ROBO2: variants seen among roughly 807,000 people sequenced by gnomAD.
The protein encoded by ROBO2 is roundabout guidance receptor 2.
In ROBO2, 53 loss-of-function variants were observed where a neutral mutation model predicts 160.8. That is an observed-to-expected ratio of 0.33 (90% CI 0.26 to 0.41). ROBO2 has a LOEUF of 0.41. Ranked by LOEUF, ROBO2 falls within the 10% of genes least tolerant of loss-of-function variation. The probability of loss-of-function intolerance (pLI) is 1.00; values close to 1 mark genes in which losing one functional copy is unlikely to be tolerated. For synonymous variants in ROBO2, 664 were observed against 611.7 expected, an observed-to-expected ratio of 1.09 and a Z score of -1.26; for missense variants, 1,577 against 1,722.4, an observed-to-expected ratio of 0.92 and a Z score of 1.49.
chr3:76,140,552 C>G (rs1228461718), intron 2 of ROBO2, among the ~76,000 whole-genome samples: 1 of 151,896 alleles, frequency 6.6e-6, no homozygotes, highest in Non-Finnish European at 1.5e-5. Context: ...AATCCTATCA[C>G]TTTATAGTCT....
At chr3:76,144,968 G>C (rs1008779777) in intron 2 of ROBO2, among the ~76,000 whole-genome samples, 2 of 151,436 alleles carry the variant, frequency 1.3e-5, no homozygotes, top group African/African-American at 4.9e-5. Flanking sequence ...TCATACAGCT[G>C]TGGCTTAAAA....
chr3:76,703,077 C>T (rs1187429231), intron 2 of ROBO2, among the ~76,000 whole-genome samples: 1 of 152,114 alleles, frequency 6.6e-6, no homozygotes, highest in Non-Finnish European at 1.5e-5. Context: ...TGAACCACTA[C>T]TAGTGTTTGT....
At chr3:76,297,790 A>G (rs1380063992) in intron 2 of ROBO2, among the ~76,000 whole-genome samples, 3 of 152,030 alleles carry the variant, frequency 2.0e-5, no homozygotes, top group African/African-American at 7.2e-5. Context: ...TGAGAAAAAC[A>G]TAAGCAAATG....
At chr3:76,154,362 G>T (rs1013257295) in intron 2 of ROBO2, among the ~76,000 whole-genome samples, 9 of 152,076 alleles carry the variant, frequency 5.9e-5, no homozygotes, top group Middle Eastern at 3.2e-3. Flanking sequence ...GGATGAGTCA[G>T]TGAAAAATTC....
chr3:76,740,615 G>T (rs1455601807), intron 2 of ROBO2, among the ~76,000 whole-genome samples: 1 of 152,108 alleles, frequency 6.6e-6, no homozygotes, highest in Admixed American at 6.6e-5. Flanking sequence ...ACTAATGGAT[G>T]TTAATTATCA....
chr3:77,584,468 C>T (rs2093992403), intron 16 of ROBO2, among the ~76,000 whole-genome samples: 1 of 152,126 alleles, frequency 6.6e-6, no homozygotes, highest in Admixed American at 6.5e-5. Flanking sequence ...AAGCCGTTCT[C>T]ATTTTTTTCT....
At chr3:76,685,945 T>C (rs1175460390) in intron 2 of ROBO2, among the ~76,000 whole-genome samples, 1 of 152,150 alleles carries the variant, frequency 6.6e-6, no homozygotes, top group East Asian at 1.9e-4. Context: ...TGCTTAACTT[T>C]GGAAGGTAGA....
intron 2 of ROBO2, among the ~76,000 whole-genome samples, chr3:76,421,686 A>G (rs2076002452): frequency 6.6e-6 from 1 of 151,870 alleles, no homozygotes; most frequent in Admixed American, 6.6e-5. Flanking sequence ...AGATCGTGCC[A>G]TTACACTTCA....
At chr3:75,961,757 A>G (rs748620728) in intron 2 of ROBO2, among the ~76,000 whole-genome samples, 5 of 151,716 alleles carry the variant, frequency 3.3e-5, no homozygotes, top group Non-Finnish European at 5.9e-5. Flanking sequence ...TTGTATTAAA[A>G]TATTGAGAAA....
chr3:76,613,128 A>C (rs932346128), intron 2 of ROBO2, among the ~76,000 whole-genome samples: 1 of 152,020 alleles, frequency 6.6e-6, no homozygotes, highest in African/African-American at 2.4e-5. Context: ...AAAAGTAAGG[A>C]CTTACTCCTG....
At chr3:77,428,660 A>T (rs1163472936) in intron 2 of ROBO2, among the ~76,000 whole-genome samples, 1 of 152,106 alleles carries the variant, frequency 6.6e-6, no homozygotes, top group Non-Finnish European at 1.5e-5. Flanking sequence ...CCGGCCGGTA[A>T]TATTTTATTG....
chr3:76,965,870 GT>G (rs1381584671), intron 2 of ROBO2, among the ~76,000 whole-genome samples: 1 of 139,542 alleles, frequency 7.2e-6, no homozygotes, highest in East Asian at 2.1e-4. Context: ...ATATCTATAA[GT>G]TTTCCCTGTT....
At chr3:76,982,958 T>C (rs1261854626) in intron 2 of ROBO2, among the ~76,000 whole-genome samples, 2 of 152,186 alleles carry the variant, frequency 1.3e-5, no homozygotes, top group East Asian at 1.9e-4. Context: ...TAAAGAAAAC[T>C]TAGCATAGCT....
intron 2 of ROBO2, among the ~76,000 whole-genome samples, chr3:76,426,248 A>G (rs2076216683): frequency 6.6e-6 from 1 of 152,158 alleles, no homozygotes; most frequent in Admixed American, 6.6e-5. Context: ...GACAGCATAT[A>G]TCCTGGAGTA....
chr3:77,275,165 T>A (rs1350181389), intron 2 of ROBO2, among the ~76,000 whole-genome samples: 4 of 152,106 alleles, frequency 2.6e-5, no homozygotes, highest in Non-Finnish European at 5.9e-5. Flanking sequence ...AATACATAGA[T>A]AACTACATAT....
chr3:77,011,314 T>C (rs1391548599), intron 2 of ROBO2, among the ~76,000 whole-genome samples: 1 of 152,158 alleles, frequency 6.6e-6, no homozygotes, highest in Non-Finnish European at 1.5e-5. Flanking sequence ...AGGCCTTCAA[T>C]AAATACGTCA....
chr3:76,350,359 G>A (rs922602771), intron 2 of ROBO2, among the ~76,000 whole-genome samples: 1 of 152,004 alleles, frequency 6.6e-6, no homozygotes, highest in East Asian at 1.9e-4. Flanking sequence ...TTTCAACCCA[G>A]AGAGAATATC....
At chr3:76,757,795 A>C (rs1473692488) in intron 2 of ROBO2, among the ~76,000 whole-genome samples, 2 of 151,820 alleles carry the variant, frequency 1.3e-5, no homozygotes, top group East Asian at 3.9e-4. Flanking sequence ...CACAGAGTTC[A>C]CTCAGAAGAG....
chr3:76,136,294 A>G (rs1458756260), intron 2 of ROBO2, among the ~76,000 whole-genome samples: 3 of 151,904 alleles, frequency 2.0e-5, no homozygotes, highest in Admixed American at 6.6e-5. Context: ...CCTTTTTGGA[A>G]TTCTGATAAA....
Sources: gnomAD v4.1 joint callset for allele counts (sites outside exome capture counted in the v4.1 genomes callset) on GRCh38, gnomAD v4.1.1 for gene constraint, MANE v1.5 for transcripts, NCBI Gene and HGNC (gene_info 2026-07-23, HGNC 2026-07-21) for gene names.